The following MAML3 variants were observed in gnomAD, a reference collection of about 807,000 sequenced individuals.
MAML3 encodes mastermind like transcriptional coactivator 3, also known as mastermind-like protein 3.
A neutral mutation model predicts 101.9 loss-of-function variants in MAML3; 27 were observed. The observed-to-expected ratio is 0.27, with a 90% CI of 0.20 to 0.37. The LOEUF is 0.37. Among genes scored for constraint, MAML3 ranks in the 10% least tolerant of loss-of-function variants. MAML3 has a pLI of 1.00. For missense variants in MAML3, 1,316 were observed against 1,444.9 expected, an observed-to-expected ratio of 0.91 and a Z score of 1.45; for synonymous variants, 501 against 555.9, an observed-to-expected ratio of 0.90 and a Z score of 1.39.
chr4:139,790,916 A>T (rs1293460683), intron 2 of MAML3, among the ~76,000 whole-genome samples: 1 of 152,224 alleles, frequency 6.6e-6, no homozygotes, highest in Non-Finnish European at 1.5e-5. Context: ...AGAAACATAC[A>T]GAAACCTGAA....
At chr4:139,979,996 G>C (rs1167440669) in intron 1 of MAML3, among the ~76,000 whole-genome samples, 1 of 152,126 alleles carries the variant, frequency 6.6e-6, no homozygotes, top group African/African-American at 2.4e-5. Flanking sequence ...GGGCTTGACT[G>C]AGCACTGAGC....
chr4:140,021,804 G>T (rs1726737923), intron 1 of MAML3, among the ~76,000 whole-genome samples: 1 of 152,010 alleles, frequency 6.6e-6, no homozygotes. Flanking sequence ...AGTTTTGTTT[G>T]GCTTAAGTCC....
rs896147302 is a variant in MAML3, at chr4:140,153,504, GTTT to G, written c.-180_-178del. 17 of 671,292 alleles carry G rather than the reference GTTT, an allele frequency of 2.5e-5. No individual in the cohort carries two copies. The African/African-American group carries it at 2.8e-4, about 11-fold the overall frequency. 41.6% of individuals were successfully genotyped at this position (671,292 alleles called of 1,614,324 possible). A position where few individuals can be genotyped will look rare whatever the true frequency, so the allele number is the denominator to read the frequency against. ...AAACGGGGGGGGAGATTTTGGGGTG[GTTT>G]TTGTTTCCTTTTTTTAAACTGTAAA... On this transcript the variant is annotated 5_prime_UTR_variant, in exon 1 of 5. Transcript: ENST00000509479.
At chr4:139,778,322 G>T (rs1233201588) in intron 2 of MAML3, among the ~76,000 whole-genome samples, 1 of 152,204 alleles carries the variant, frequency 6.6e-6, no homozygotes, top group African/African-American at 2.4e-5. Context: ...TTGAAGTGAA[G>T]TGAGGGCCTT....
chr4:139,950,444 C>T (rs866672299), intron 1 of MAML3, among the ~76,000 whole-genome samples: 2 of 152,176 alleles, frequency 1.3e-5, no homozygotes, highest in Non-Finnish European at 1.5e-5. Flanking sequence ...AATGAATTCT[C>T]TCTTTATCCT....
intron 1 of MAML3, among the ~76,000 whole-genome samples, chr4:140,111,159 T>G (rs777911996): frequency 4.6e-5 from 7 of 152,216 alleles, no homozygotes; most frequent in Non-Finnish European, 1.0e-4. Context: ...AACATTATTG[T>G]ACATTATACA....
At chr4:139,926,105 A>G (rs1195466513) in intron 1 of MAML3, among the ~76,000 whole-genome samples, 1 of 152,224 alleles carries the variant, frequency 6.6e-6, no homozygotes, top group Non-Finnish European at 1.5e-5. Flanking sequence ...AAACACCCAT[A>G]TACCGAGAAG....
At chr4:139,902,430 G>A (rs1732745068) in intron 1 of MAML3, among the ~76,000 whole-genome samples, 1 of 152,116 alleles carries the variant, frequency 6.6e-6, no homozygotes, top group Non-Finnish European at 1.5e-5. Context: ...GACCAATTAC[G>A]GAACTGTCAT....
At chr4:140,094,556 C>G (rs1367664154) in intron 1 of MAML3, among the ~76,000 whole-genome samples, 1 of 152,238 alleles carries the variant, frequency 6.6e-6, no homozygotes, top group Non-Finnish European at 1.5e-5. Flanking sequence ...AACCAATTTA[C>G]TCCTTTCTCG....
chr4:139,770,660 C>T (rs1729957531), intron 2 of MAML3, among the ~76,000 whole-genome samples: 2 of 152,096 alleles, frequency 1.3e-5, no homozygotes. Context: ...TTGGGATCTT[C>T]CCTGGAATGA....
At chr4:139,946,919 ACACACACTCTCTCT>A (rs1414233106) in intron 1 of MAML3, among the ~76,000 whole-genome samples, 4,699 of 76,206 alleles carry the variant, frequency 0.062, 228 homozygotes, top group African/African-American at 0.19. Context: ...ACACACACAC[ACACACACTCTCTCT>A]CTCTCTCTCT....
At chr4:140,017,602 T>C (rs1405363845) in intron 1 of MAML3, among the ~76,000 whole-genome samples, 2 of 151,870 alleles carry the variant, frequency 1.3e-5, no homozygotes, top group Non-Finnish European at 1.5e-5. Context: ...TACTATGGCA[T>C]ACTACTCAGC....
At chr4:140,027,458 C>T (rs867146635) in intron 1 of MAML3, among the ~76,000 whole-genome samples, 2 of 152,234 alleles carry the variant, frequency 1.3e-5, no homozygotes, top group East Asian at 1.9e-4. Context: ...TGCCTGGGAT[C>T]GTGCTCTGCA....
chr4:139,791,004 C>T (rs1032256355), intron 2 of MAML3, among the ~76,000 whole-genome samples: 2 of 152,082 alleles, frequency 1.3e-5, no homozygotes, highest in East Asian at 3.8e-4. Flanking sequence ...AGATTAGCAA[C>T]AAACAGAATT....
intron 1 of MAML3, among the ~76,000 whole-genome samples, chr4:140,050,572 A>G (rs537574295): frequency 1.3e-5 from 2 of 152,272 alleles, no homozygotes; most frequent in East Asian, 3.9e-4. Flanking sequence ...CATGTGTTCC[A>G]CTGCCGTGGG....
intron 1 of MAML3, among the ~76,000 whole-genome samples, chr4:140,040,200 A>G (rs1051788759): frequency 6.6e-6 from 1 of 152,236 alleles, no homozygotes; most frequent in African/African-American, 2.4e-5. Flanking sequence ...CCTTGAAGGC[A>G]GGAATGTTTT....
At chr4:140,010,672 T>C (rs1726534570) in intron 1 of MAML3, among the ~76,000 whole-genome samples, 1 of 152,190 alleles carries the variant, frequency 6.6e-6, no homozygotes, top group Non-Finnish European at 1.5e-5. Flanking sequence ...GGTCTGCTCA[T>C]GTTAGGAAAA....
At chr4:140,091,537 C>CAAAACAAAAAAAAAAA (rs1728048886) in intron 1 of MAML3, among the ~76,000 whole-genome samples, 1 of 71,600 alleles carries the variant, frequency 1.4e-5, no homozygotes, top group Non-Finnish European at 2.7e-5. Flanking sequence ...AACAACAAAA[C>CAAAACAAAAAAAAAAA]AAAAACAAAA....
intron 2 of MAML3, among the ~76,000 whole-genome samples, chr4:139,878,235 G>T (rs1390640215): frequency 6.6e-6 from 1 of 152,060 alleles, no homozygotes; most frequent in Non-Finnish European, 1.5e-5. Context: ...ACTCATTCTT[G>T]GTCTATCTCG....
Sources: allele counts gnomAD v4.1 joint callset (sites outside exome capture counted in the v4.1 genomes callset), GRCh38; gene constraint gnomAD v4.1.1; transcripts MANE v1.5; gene names NCBI Gene and HGNC (gene_info 2026-07-23, HGNC 2026-07-21).